The following NALCN variants were observed in gnomAD, a reference collection of about 807,000 sequenced individuals.
NALCN encodes sodium leak channel, non-selective.
Under a neutral mutation model 225.3 loss-of-function variants are expected in NALCN, and 111 were observed. The observed-to-expected ratio is 0.49, with a 90% CI of 0.42 to 0.58. The LOEUF is 0.58. Ranked by LOEUF, NALCN falls within the 20% of genes least tolerant of loss-of-function variation. The pLI, the probability that NALCN is intolerant of heterozygous loss-of-function variation, is 0.00. For missense variants in NALCN, 1,378 were observed against 2,202.4 expected (o/e 0.63, Z 7.49); for synonymous variants, 764 against 769.0 (o/e 0.99, Z 0.11).
chr13:101,377,372 G>T (rs532323670), intron 4 of NALCN, among the ~76,000 whole-genome samples: 2 of 152,158 alleles, frequency 1.3e-5, no homozygotes, highest in East Asian at 3.9e-4. Flanking sequence ...TGTTAATAAC[G>T]TTCTTTAGTG....
intron 12 of NALCN, among the ~76,000 whole-genome samples, chr13:101,232,455 T>C (rs1337707225): frequency 2.0e-5 from 3 of 151,386 alleles, no homozygotes; most frequent in Non-Finnish European, 4.4e-5. Flanking sequence ...CTTTTCTTTT[T>C]TTTTTTTTGT....
At chr13:101,184,928 C>T (rs1308557716) in intron 14 of NALCN, among the ~76,000 whole-genome samples, 2 of 151,840 alleles carry the variant, frequency 1.3e-5, no homozygotes, top group Non-Finnish European at 2.9e-5. Flanking sequence ...TAAAGATGTC[C>T]CTTTAGCTGA....
intron 13 of NALCN, among the ~76,000 whole-genome samples, chr13:101,204,942 T>C (rs145709925): frequency 6.6e-6 from 1 of 152,260 alleles, no homozygotes; most frequent in African/African-American, 2.4e-5. Flanking sequence ...AAGTGATTAC[T>C]GTAGATATAA....
intron 6 of NALCN, among the ~76,000 whole-genome samples, chr13:101,351,630 G>A (rs2045911151): frequency 1.3e-5 from 2 of 151,966 alleles, no homozygotes; most frequent in Admixed American, 1.3e-4. Context: ...AATTACCTTG[G>A]GAGATTCACT....
At chr13:101,064,915 A>G (rs1466234993) in intron 40 of NALCN, among the ~76,000 whole-genome samples, 1 of 152,210 alleles carries the variant, frequency 6.6e-6, no homozygotes, top group Non-Finnish European at 1.5e-5. Context: ...CGCTCATGAA[A>G]TGTCTGGAAA....
rs1385381268 is a variant in NALCN, at chr13:101,110,661, C to T, written c.2322G>A (p.Gln774=). The change falls in exon 20 of 44, where the codon CAG becomes CAA. Residue 774 remains glutamine (Q), a synonymous_variant. Coordinates refer to ENST00000251127, the MANE Select transcript of NALCN (RefSeq NM_052867.4). ...CAAGAGATTTTCCCCTGCTGATCCT[C>T]TGGCTGTTTGATCCATGTCTTAGTG... is the stretch of plus-strand genomic sequence containing the variant. The part of the protein sequence containing the change: ...RRSLRHGSNS[Q]RISRGKSLET... 6.2e-7 allele frequency: 1 copy of T among 1,614,120 alleles called. No homozygotes were observed.
At chr13:101,301,515 G>A (rs2043967240) in intron 7 of NALCN, among the ~76,000 whole-genome samples, 1 of 152,124 alleles carries the variant, frequency 6.6e-6, no homozygotes, top group Non-Finnish European at 1.5e-5. Context: ...GAGGTCAGGA[G>A]CTTGAGACCA....
intron 14 of NALCN, among the ~76,000 whole-genome samples, chr13:101,187,751 C>G (rs1265683749): frequency 1.3e-5 from 2 of 152,148 alleles, no homozygotes; most frequent in Non-Finnish European, 2.9e-5. Context: ...AGTGTAAGAA[C>G]ACAGGAATTC....
At chr13:101,277,724 A>G (rs2043012502) in intron 10 of NALCN, among the ~76,000 whole-genome samples, 1 of 152,140 alleles carries the variant, frequency 6.6e-6, no homozygotes, top group Middle Eastern at 3.4e-3. Flanking sequence ...TTACTTGTTT[A>G]TTTATTTCCA....
At chr13:101,351,559 A>T (rs574539966) in intron 6 of NALCN, among the ~76,000 whole-genome samples, 1 of 152,164 alleles carries the variant, frequency 6.6e-6, no homozygotes, top group Non-Finnish European at 1.5e-5. Flanking sequence ...AGCGGTGCAG[A>T]GCACTGAGCT....
chr13:101,291,850 G>A (rs2043565110), intron 9 of NALCN, 140 bp downstream of exon 9: 2 of 812,788 alleles, frequency 2.5e-6, no homozygotes, highest in Non-Finnish European at 4.0e-6. Context: ...GTGCCTGACT[G>A]GCAACTGTAT....
intron 14 of NALCN, among the ~76,000 whole-genome samples, chr13:101,187,833 A>G (rs906227780): frequency 6.6e-6 from 1 of 152,186 alleles, no homozygotes; most frequent in African/African-American, 2.4e-5. Context: ...TGTTTTCTTA[A>G]AGGTCCAGAC....
At chr13:101,129,499 T>C (rs1057488643) in intron 17 of NALCN, among the ~76,000 whole-genome samples, 2 of 152,174 alleles carry the variant, frequency 1.3e-5, no homozygotes, top group African/African-American at 4.8e-5. Context: ...TTGTTCCTAG[T>C]ATGACAAGAT....
chr13:101,246,171 G>A lies in NALCN; in HGVS notation c.1267-8249C>T, dbSNP rs146965314. ...TCAAGAACCTGGACAACTTGCAGTC[G>A]AGACCCTCTACCAGTAACAACAGCA... On this transcript the variant is annotated intron_variant, in intron 11 of 43. Transcript: ENST00000251127. 8.8e-3 allele frequency among the ~76,000 whole-genome samples: 1,339 copies of A among 152,172 alleles called. 8 individuals carry two copies. Among genetic ancestry groups the A allele is most frequent in the Middle Eastern group, 0.017 (5 of 294 alleles).
intron 10 of NALCN, among the ~76,000 whole-genome samples, chr13:101,263,772 C>A (rs2042508913): frequency 6.6e-6 from 1 of 152,182 alleles, no homozygotes; most frequent in East Asian, 1.9e-4. Flanking sequence ...AAAGCAGTAA[C>A]TTTCAAATAT....
At chr13:101,379,454 T>G (rs1222441680) in intron 3 of NALCN, among the ~76,000 whole-genome samples, 1 of 152,122 alleles carries the variant, frequency 6.6e-6, no homozygotes, top group African/African-American at 2.4e-5. Flanking sequence ...TAGCAAAGAC[T>G]TGGAATCAAT....
intron 13 of NALCN, among the ~76,000 whole-genome samples, chr13:101,207,814 T>A (rs1340470565): frequency 6.6e-6 from 1 of 152,216 alleles, no homozygotes; most frequent in Non-Finnish European, 1.5e-5. Context: ...TTGGGTCCCC[T>A]TCCGTGCTGT....
intron 15 of NALCN, among the ~76,000 whole-genome samples, chr13:101,166,820 T>C (rs2038461775): frequency 6.6e-6 from 1 of 152,214 alleles, no homozygotes; most frequent in South Asian, 2.1e-4. Context: ...GCTTTTGCCT[T>C]GTTTTCTTCT....
At chr13:101,085,667 A>T (rs1426383232) in intron 30 of NALCN, among the ~76,000 whole-genome samples, 1 of 152,186 alleles carries the variant, frequency 6.6e-6, no homozygotes, top group African/African-American at 2.4e-5. Context: ...GTACCCGATA[A>T]ATATGTACAA....
Sources: gnomAD v4.1 joint callset for allele counts (sites outside exome capture counted in the v4.1 genomes callset) on GRCh38, gnomAD v4.1.1 for gene constraint, MANE v1.5 for transcripts, NCBI Gene and HGNC (gene_info 2026-07-23, HGNC 2026-07-21) for gene names.